DAGLA: variants seen among roughly 807,000 people sequenced by gnomAD.
The protein encoded by DAGLA is diacylglycerol lipase alpha, also known as diacylglycerol lipase-alpha.
In DAGLA, 22 loss-of-function variants were observed where a neutral mutation model predicts 102.6. The ratio of observed to expected loss-of-function variants is 0.21; its 90% confidence interval spans 0.15 to 0.31. The LOEUF (loss-of-function observed/expected upper bound fraction) is 0.31. Among genes scored for constraint, DAGLA ranks in the 10% least tolerant of loss-of-function variants. The pLI is 1.00. For synonymous variants in DAGLA, 578 were observed against 628.9 expected, an observed-to-expected ratio of 0.92 and a Z score of 1.21; for missense variants, 927 against 1,446.6, an observed-to-expected ratio of 0.64 and a Z score of 5.83.
Position 61,684,594 on chromosome 11 carries a change from G to T in DAGLA, c.-45+4090G>T, listed in dbSNP as rs929644265. On this transcript the variant is annotated intron_variant, in intron 1 of 19. Transcript: ENST00000257215. This position sits in a 1 kb window ranked among gnomAD's most constrained non-coding sequence, Gnocchi z 4.5. ...CCGTGGAGGGGATTGGTGTGACCAC[G>T]GGTAAGGGTGTTTTCATGGGGTGTT... 7.9e-5 allele frequency among the ~76,000 whole-genome samples: 12 copies of T among 152,136 alleles called. No homozygotes were observed. Among genetic ancestry groups the T allele is most frequent in the Non-Finnish European group, 1.8e-4 (12 of 68,024 alleles).
At chr11:61,735,496 A>G (rs2065415199) in intron 10 of DAGLA, 65 bp from the exon 11 acceptor site, 1 of 1,439,758 alleles carries the variant, frequency 6.9e-7, no homozygotes. Flanking sequence ...AGACCTGCCT[A>G]GGTCACTTTC....
intron 1 of DAGLA, among the ~76,000 whole-genome samples, chr11:61,719,110 T>C (rs1313996150): frequency 6.6e-6 from 1 of 152,190 alleles, no homozygotes; most frequent in Non-Finnish European, 1.5e-5. Flanking sequence ...TTTATGGGTA[T>C]CTCTGGGGAC....
At chr11:61,723,310 GCC>G in intron 4 of DAGLA, 122 bp from the exon 5 acceptor site, 2 of 1,360,520 alleles carry the variant, frequency 1.5e-6, no homozygotes, top group South Asian at 2.7e-5. Flanking sequence ...GGGCTTTGGA[GCC>G]TGGCTTTTGT....
rs1414092594 is a variant in DAGLA, at chr11:61,734,679, A to G, written c.975-170A>G. Among the ~76,000 whole-genome samples the G allele has an allele frequency of 6.6e-6, 1 of 152,172 alleles. No homozygotes were observed. Among genetic ancestry groups the G allele is most frequent in the Non-Finnish European group, 1.5e-5 (1 of 68,012 alleles). The stretch of plus-strand genomic sequence containing the variant: ...GAGCTCAGTTAAGAGGAAGGCTAAG[A>G]GTGGCCAGTGGATTTGGTGACGTGG... On this transcript the variant is annotated intron_variant, in intron 9 of 19. Coordinates refer to ENST00000257215, the MANE Select transcript of DAGLA (RefSeq NM_006133.3). The surrounding 1 kb of genome is among the most constrained non-coding windows in gnomAD (Gnocchi z 4.2).
chr11:61,689,697 G>C (rs1328666679), intron 1 of DAGLA, among the ~76,000 whole-genome samples: 1 of 122,348 alleles, frequency 8.2e-6, no homozygotes, highest in Non-Finnish European at 1.9e-5. Flanking sequence ...GTAGAGACAG[G>C]GTTTCACCGT....
chr11:61,704,096 T>C (rs2065131214), intron 1 of DAGLA, among the ~76,000 whole-genome samples: 1 of 149,336 alleles, frequency 6.7e-6, no homozygotes, highest in African/African-American at 2.5e-5. Context: ...TGATCTACTA[T>C]CAAACAAAGT....
chr11:61,723,350 C>T, intron 4 of DAGLA, 84 bp from the exon 5 acceptor site: 1 of 1,545,142 alleles, frequency 6.5e-7, no homozygotes, highest in Non-Finnish European at 8.8e-7. Flanking sequence ...GTTAGGGAGG[C>T]TCCAATGTCC....
rs1364425749 is a variant in DAGLA at position 61,737,240 on chromosome 11, C to T, written c.1430C>T (p.Thr477Ile). ...IVVGHSLGAG[T>I]AAILSFLLRP... ...GTGGGCCACTCCCTGGGCGCGGGCA[C>T]TGCTGCCATCCTCTCCTTCCTTCTG... The change falls in exon 14 of 20, where the codon ACT becomes ATT. Residue 477 changes from threonine (T) to isoleucine (I), a missense_variant. Thr to Ile is a moderately conservative substitution (Grantham distance 89). Around this residue, in one of 4 missense-constraint regions of DAGLA, gnomAD observed 218 missense variants for 459.6 expected, o/e 0.47. Transcript: ENST00000257215. The T allele has an allele frequency of 6.2e-7, 1 of 1,613,436 alleles. No homozygotes were observed. The highest frequency in any genetic ancestry group is 1.1e-5 in the South Asian group (1 of 91,088).
chr11:61,731,226 TC>T (rs2065371347), intron 8 of DAGLA, 90 bp from the exon 9 acceptor site: 1 of 1,523,412 alleles, frequency 6.6e-7, no homozygotes, highest in African/African-American at 1.4e-5. Context: ...AGGGGTTGGG[TC>T]CGCAGGCTCC....
rs763431589 is a variant in DAGLA at position 61,735,835 on chromosome 11, C to T, written c.1290+19C>T. Reference sequence around the variant, plus strand: ...CCACAAGGTAACCCACGTCATGGACCCCAGGGCCCCTGGGCTTCTTTCCTG... The same window carrying T: ...CCACAAGGTAACCCACGTCATGGACTCCAGGGCCCCTGGGCTTCTTTCCTG... On this transcript the variant is annotated intron_variant, in intron 12 of 19. Coordinates refer to ENST00000257215, the MANE Select transcript of DAGLA (RefSeq NM_006133.3). The T allele has an allele frequency of 6.3e-7, 1 of 1,594,918 alleles. No individual in the cohort carries two copies. Among genetic ancestry groups the T allele is most frequent in the Non-Finnish European group, 8.5e-7 (1 of 1,170,812 alleles).
chr11:61,728,032 C>A, intron 6 of DAGLA, 121 bp from the exon 7 acceptor site: 1 of 1,184,612 alleles, frequency 8.4e-7, no homozygotes, highest in Non-Finnish European at 1.2e-6. Flanking sequence ...GAGAACCTGT[C>A]CAGGGGACCC....
rs1422135050 is a variant in DAGLA, at chr11:61,739,630, G to T, written c.1822G>T (p.Val608Leu). ...PLYPPGRIIHVVHNHPAEQCC... is the reference protein window; with the variant it reads ...PLYPPGRIIHLVHNHPAEQCC... ...CTACCCGCCCGGCCGCATCATCCAC[G>T]TGGTCCACAACCACCCTGCAGAGCA... is the stretch of plus-strand genomic sequence containing the variant. Residue 608 changes from valine to leucine, a missense_variant, in exon 17 of 20, where the codon GTG becomes TTG. Physicochemically the swap from Val to Leu is conservative, Grantham distance 32. Coordinates refer to ENST00000257215, the MANE Select transcript of DAGLA (RefSeq NM_006133.3). The T allele has an allele frequency of 6.2e-7, 1 of 1,614,000 alleles. No homozygotes were observed. Among genetic ancestry groups the T allele is most frequent in the Non-Finnish European group, 8.5e-7 (1 of 1,180,020 alleles).
intron 1 of DAGLA, among the ~76,000 whole-genome samples, chr11:61,718,860 C>T (rs1461557995): frequency 6.6e-6 from 1 of 152,202 alleles, no homozygotes; most frequent in Non-Finnish European, 1.5e-5. Flanking sequence ...CACGCCCTCT[C>T]GCCCACCCTG....
At chr11:61,707,242 G>A (rs562828502) in intron 1 of DAGLA, among the ~76,000 whole-genome samples, 1 of 152,368 alleles carries the variant, frequency 6.6e-6, no homozygotes, top group Admixed American at 6.5e-5. Flanking sequence ...AGCAGAGGCC[G>A]CAGAAGTGAC....
chr11:61,728,314 G>C, intron 7 of DAGLA, 27 bp downstream of exon 7: 2 of 1,603,776 alleles, frequency 1.2e-6, no homozygotes, highest in Non-Finnish European at 1.7e-6. Flanking sequence ...CCTTCTCCAG[G>C]TCACCTCTCC....
In DAGLA at chr11:61,726,080, T is replaced by A; in HGVS notation, c.634T>A (p.Ser212Thr). The A allele has an allele frequency of 6.2e-7, 1 of 1,611,652 alleles. No homozygotes were observed. Among genetic ancestry groups the A allele is most frequent in the Non-Finnish European group, 8.5e-7 (1 of 1,179,956 alleles). ...CTGCACGCGGACGAAGGACTCCCAG[T>A]CAGTAAGTACTGGGAGGTCGCTCCC... ...LCCTRTKDSQSDAYSEIAYLF... is the reference protein window; with the variant it reads ...LCCTRTKDSQTDAYSEIAYLF... Residue 212 changes from serine (S) to threonine (T), a missense_variant and splice_region_variant, in exon 6 of 20, where the codon TCA (serine) becomes ACA (threonine). By Grantham distance (58) the Ser-to-Thr change is moderately conservative. This residue lies in a region of DAGLA where 231 missense variants were observed against 439.8 expected (regional missense o/e 0.53). Transcript: ENST00000257215.
Position 61,682,111 on chromosome 11 carries a change from G to A in DAGLA, c.-45+1607G>A, listed in dbSNP as rs182468237. Among the ~76,000 whole-genome samples the A allele has an allele frequency of 3.5e-4, 54 of 152,280 alleles. 1 individual carries two copies. The East Asian group carries it at 7.1e-3, about 20-fold the overall frequency. On this transcript the variant is annotated intron_variant, in intron 1 of 19. Coordinates refer to ENST00000257215, the MANE Select transcript of DAGLA (RefSeq NM_006133.3). Reference sequence around the variant, plus strand: ...TGCTGATGAGTTCCCTATAACCGGAGCACTGTCCGATGCCTTTGGAGCCAT... The same window carrying A: ...TGCTGATGAGTTCCCTATAACCGGAACACTGTCCGATGCCTTTGGAGCCAT...
chr11:61,735,759 G>A lies in DAGLA; in HGVS notation c.1233G>A (p.Thr411=), dbSNP rs147614358. 8.1e-5 allele frequency: 130 copies of A among 1,613,368 alleles called. No individual in the cohort carries two copies. In the African/African-American group the frequency reaches 1.0e-3, roughly 13 times the overall value. ...LSPKDALTDL[T]GDAERLPVEG... The stretch of plus-strand genomic sequence containing the variant: ...CCAAGGATGCCCTGACTGACCTGAC[G>A]GGTGATGCTGAGCGCCTCCCCGTGG... The change falls in exon 12 of 20, where the codon ACG becomes ACA. Residue 411 remains threonine (T), a synonymous_variant. Transcript: ENST00000257215.
intron 1 of DAGLA, among the ~76,000 whole-genome samples, chr11:61,696,187 T>A (rs1222867403): frequency 6.6e-6 from 1 of 152,190 alleles, no homozygotes; most frequent in African/African-American, 2.4e-5. Context: ...AGCGGAACCG[T>A]CACCAGCGGT....
Sources: gnomAD v4.1 joint callset for allele counts (sites outside exome capture counted in the v4.1 genomes callset) on GRCh38, gnomAD v4.1.1 for gene constraint, gnomAD v4.1.1 regional missense constraint, Gnocchi (gnomAD v3.1) non-coding constraint, MANE v1.5 for transcripts, NCBI Gene and HGNC (gene_info 2026-07-23, HGNC 2026-07-21) for gene names.